PARD3B: variants seen among roughly 807,000 people sequenced by gnomAD.
PARD3B encodes the protein par-3 family cell polarity regulator beta, also known as partitioning defective 3 homolog B.
PARD3B carries 103 observed loss-of-function variants against 130.2 expected under a neutral mutation model. That is an observed-to-expected ratio of 0.79 (90% CI 0.67 to 0.93). PARD3B has a LOEUF of 0.93. Ranked by LOEUF, PARD3B falls within the 40% of genes least tolerant of loss-of-function variation. PARD3B has a pLI of 0.00. For missense variants in PARD3B, 1,609 were observed against 1,499.2 expected (o/e 1.07, Z -1.21); for synonymous variants, 583 against 553.2 (o/e 1.05, Z -0.76).
chr2:204,965,109 G>A (rs1247703641), intron 2 of PARD3B, 43 bp from the exon 3 acceptor site: 1 of 1,590,398 alleles, frequency 6.3e-7, no homozygotes. Flanking sequence ...CGTGTGGTAT[G>A]CATGTCCTAC....
At position 205,009,351 on chromosome 2, in the gene PARD3B, C is replaced by A. The variant is rs1260477846; in HGVS notation, c.395-38230C>A. 2.0e-5 allele frequency among the ~76,000 whole-genome samples: 3 copies of A among 152,140 alleles called. No individual in the cohort carries two copies. In the South Asian group the frequency reaches 6.2e-4, roughly 32 times the overall value. ...ACATACCAAGAAAGTATGTTAATCA[C>A]ATTTCTGTTTAAAAATAGAATTTTA... On this transcript the variant is annotated intron_variant, in intron 3 of 22. Coordinates refer to ENST00000406610, the MANE Select transcript of PARD3B (RefSeq NM_001302769.2).
At chr2:204,639,983 G>T (rs1244419704) in intron 1 of PARD3B, among the ~76,000 whole-genome samples, 2 of 152,094 alleles carry the variant, frequency 1.3e-5, no homozygotes, top group Admixed American at 6.5e-5. Flanking sequence ...GCTGGGCATG[G>T]TGGCTCATGC....
intron 1 of PARD3B, among the ~76,000 whole-genome samples, chr2:204,561,780 A>G (rs998551506): frequency 2.0e-5 from 3 of 151,938 alleles, no homozygotes; most frequent in African/African-American, 7.3e-5. Context: ...TATTTTTAGT[A>G]GAGACGGGGT....
intron 20 of PARD3B, among the ~76,000 whole-genome samples, chr2:205,464,092 A>G (rs2048541173): frequency 6.6e-6 from 1 of 152,008 alleles, no homozygotes; most frequent in Admixed American, 6.6e-5. Context: ...CCTGTAGTGG[A>G]TACTTCTTAA....
At chr2:205,372,715 T>A (rs1270167036) in intron 18 of PARD3B, among the ~76,000 whole-genome samples, 11 of 152,350 alleles carry the variant, frequency 7.2e-5, no homozygotes, top group African/African-American at 2.6e-4. Flanking sequence ...GTTTGGTGGC[T>A]CACACTTGTA....
intron 21 of PARD3B, among the ~76,000 whole-genome samples, chr2:205,523,898 A>ATTCTT (rs1203118350): frequency 6.7e-6 from 1 of 148,976 alleles, no homozygotes; most frequent in Non-Finnish European, 1.5e-5. Flanking sequence ...TGATGATAAT[A>ATTCTT]TTCTTTATAT....
At chr2:205,052,419 G>GTGTATATA (rs1467760914) in intron 4 of PARD3B, among the ~76,000 whole-genome samples, 2 of 39,764 alleles carry the variant, frequency 5.0e-5, no homozygotes, top group African/African-American at 9.3e-5. Context: ...ATATATATAT[G>GTGTATATA]TATATATATA....
intron 2 of PARD3B, among the ~76,000 whole-genome samples, chr2:204,873,124 T>A (rs1270249016): frequency 1.3e-5 from 2 of 152,148 alleles, no homozygotes; most frequent in Non-Finnish European, 1.5e-5. Flanking sequence ...GATAGAGGTG[T>A]TACATGTGAA....
At chr2:204,718,495 G>A (rs2038841874) in intron 2 of PARD3B, among the ~76,000 whole-genome samples, 2 of 152,048 alleles carry the variant, frequency 1.3e-5, no homozygotes, top group South Asian at 4.1e-4. Flanking sequence ...ACTCATTATC[G>A]TGAGAACAGC....
chr2:204,565,176 G>C (rs1365838365), intron 1 of PARD3B, among the ~76,000 whole-genome samples: 3 of 152,190 alleles, frequency 2.0e-5, no homozygotes, highest in Non-Finnish European at 4.4e-5. Context: ...CTTTCCTAGA[G>C]GTCACCTGCA....
chr2:205,452,797 A>G (rs937531353), intron 20 of PARD3B, among the ~76,000 whole-genome samples: 1 of 152,144 alleles, frequency 6.6e-6, no homozygotes, highest in Non-Finnish European at 1.5e-5. Context: ...CTCCTTTATT[A>G]TGCATGAGCT....
Position 205,440,277 on chromosome 2 carries a change from C to G in PARD3B, c.2742-93C>G. ...AAACAGGAGAATGACAGCTAAGAGA[C>G]GAGGAAGAGTTAACATAAATTCAAG... On this transcript the variant is annotated intron_variant, in intron 19 of 22. Coordinates refer to ENST00000406610, the MANE Select transcript of PARD3B (RefSeq NM_001302769.2). This position sits in a 1 kb window ranked among gnomAD's most constrained non-coding sequence, Gnocchi z 4.2. 2 of 1,260,112 alleles carry G rather than the reference C, an allele frequency of 1.6e-6. No homozygotes were observed. Among genetic ancestry groups the G allele is most frequent in the South Asian group, 2.9e-5 (2 of 69,482 alleles). The allele number at this position is 1,260,112 out of a possible 1,614,324, so 78.1% of individuals were successfully genotyped here. A position where few individuals can be genotyped will look rare whatever the true frequency, so the allele number is the denominator to read the frequency against.
chr2:204,938,638 TA>T (rs2125795466), intron 2 of PARD3B, among the ~76,000 whole-genome samples: 1 of 152,370 alleles, frequency 6.6e-6, no homozygotes, highest in Non-Finnish European at 1.5e-5. Flanking sequence ...GGAAGTGCAT[TA>T]AAATCATTTA....
At chr2:204,905,268 G>C (rs540030310) in intron 2 of PARD3B, among the ~76,000 whole-genome samples, 1 of 152,156 alleles carries the variant, frequency 6.6e-6, no homozygotes, top group Non-Finnish European at 1.5e-5. Context: ...GATGTTATCA[G>C]CAGGAGTTAC....
intron 2 of PARD3B, among the ~76,000 whole-genome samples, chr2:204,941,641 A>G (rs1168773731): frequency 6.6e-6 from 1 of 152,120 alleles, no homozygotes; most frequent in Non-Finnish European, 1.5e-5. Context: ...AGGGTTTCCA[A>G]TGTGGGTCTT....
At chr2:205,225,306 G>T (rs959390364) in intron 15 of PARD3B, among the ~76,000 whole-genome samples, 4 of 152,110 alleles carry the variant, frequency 2.6e-5, no homozygotes, top group African/African-American at 9.7e-5. Context: ...CATTTTAACT[G>T]GGGTGAGATG....
At chr2:205,192,324 A>G (rs934895561) in intron 14 of PARD3B, among the ~76,000 whole-genome samples, 5 of 152,190 alleles carry the variant, frequency 3.3e-5, no homozygotes, top group African/African-American at 1.2e-4. Context: ...GTAAGGATAC[A>G]TGATTTGGAT....
intron 16 of PARD3B, among the ~76,000 whole-genome samples, chr2:205,285,642 T>C (rs1464588704): frequency 6.6e-6 from 1 of 152,198 alleles, no homozygotes; most frequent in Non-Finnish European, 1.5e-5. Flanking sequence ...GGCAGGCCGA[T>C]GTTCTCCGCT....
intron 21 of PARD3B, among the ~76,000 whole-genome samples, chr2:205,518,839 C>CCTTAGTTTAG (rs2050904246): frequency 6.6e-6 from 1 of 152,038 alleles, no homozygotes; most frequent in South Asian, 2.1e-4. Flanking sequence ...TGCTTAGGAA[C>CCTTAGTTTAG]CTTAGTTTAG....
Sources: allele counts gnomAD v4.1 joint callset (sites outside exome capture counted in the v4.1 genomes callset), GRCh38; gene constraint gnomAD v4.1.1; non-coding constraint Gnocchi (gnomAD v3.1); transcripts MANE v1.5; gene names NCBI Gene and HGNC (gene_info 2026-07-23, HGNC 2026-07-21).